NUMA1: variants seen among roughly 807,000 people sequenced by gnomAD.
NUMA1 encodes nuclear mitotic apparatus protein 1.
NUMA1 carries 62 observed loss-of-function variants against 237.1 expected under a neutral mutation model. That is an observed-to-expected ratio of 0.26 (90% confidence interval 0.21 to 0.32). The LOEUF (loss-of-function observed/expected upper bound fraction) is 0.32, where lower values mean the gene tolerates loss of function less well. Ranked by LOEUF, NUMA1 falls within the 10% of genes least tolerant of loss-of-function variation. NUMA1 has a pLI of 1.00. For missense variants in NUMA1, 2,533 were observed against 2,666.5 expected (o/e 0.95, Z 1.10); for synonymous variants, 1,028 against 1,066.1 (o/e 0.96, Z 0.70).
intron 20 of NUMA1, chr11:72,008,268 T>A (rs796248482): frequency 7.0e-5 from 26 of 372,744 alleles, no homozygotes; most frequent in African/African-American, 5.3e-4. Context: ...CAGTTTCAAA[T>A]TCTTCCAAGG....
intron 2 of NUMA1, chr11:72,067,524 AGCTTCCAGTGCCT>A (rs1943253983): frequency 6.6e-6 from 1 of 152,188 alleles, no homozygotes; most frequent in Non-Finnish European, 1.5e-5. Flanking sequence ...TTCTGGAGCA[AGCTTCCAGTGCCT>A]GCTTCTCATT....
intron 20 of NUMA1, chr11:72,007,672 C>T (rs190511768): frequency 6.2e-5 from 35 of 567,872 alleles, no homozygotes; most frequent in African/African-American, 5.1e-4. Flanking sequence ...CCAGATGTCC[C>T]ATCCCCACCA....
rs1339729209 is a variant in NUMA1 at position 72,012,349 on chromosome 11, A to G, written c.4650+52T>C. On this transcript the variant is annotated intron_variant, in intron 16 of 26. Coordinates refer to ENST00000393695, the MANE Select transcript of NUMA1 (RefSeq NM_006185.4). ...AAGCTGCAGCCGGGCTCATGCACCAAGACTGGTCACCGTTTAAGCAGCCAG... is the reference window on the plus strand; with the variant it reads ...AAGCTGCAGCCGGGCTCATGCACCAGGACTGGTCACCGTTTAAGCAGCCAG... 10 of 1,585,694 alleles carry G rather than the reference A, an allele frequency of 6.3e-6. No homozygotes were observed. The African/African-American group carries it at 1.2e-4, about 19-fold the overall frequency.
At chr11:72,004,383 GTC>G (rs775897401) in intron 24 of NUMA1, 42 bp from the exon 25 acceptor site, 1 of 1,554,034 alleles carries the variant, frequency 6.4e-7, no homozygotes, top group East Asian at 2.2e-5. Flanking sequence ...AGCAAGAGGA[GTC>G]ACATCTGAAG....
chr11:72,033,749 A>G (rs924899950), intron 3 of NUMA1, among the ~76,000 whole-genome samples: 1 of 152,288 alleles, frequency 6.6e-6, no homozygotes, highest in East Asian at 1.9e-4. Flanking sequence ...GGCCAGGCGC[A>G]GTGGCTCATG....
chr11:72,004,313 C>T lies in NUMA1; in HGVS notation c.6035G>A (p.Arg2012His), dbSNP rs1382977636. The change falls in exon 25 of 27, where the codon CGC (arginine) becomes CAC (histidine). Residue 2012 changes from arginine to histidine, a missense_variant. This residue lies in a region of NUMA1 where 795 missense variants were observed against 750.8 expected (regional missense o/e 1.06). Transcript: ENST00000393695. ...ESKKATSCFP[R>H]PMTPRDRHEG... ...ATGTCGGTCTCGGGGAGTCATGGGG[C>T]GTGGGAAACAGCTGGTGGCCTTCTT... The T allele has an allele frequency of 9.3e-6, 15 of 1,612,974 alleles. No homozygotes were observed. The highest frequency in any genetic ancestry group is 1.2e-5 in the Non-Finnish European group (14 of 1,179,766).
chr11:72,037,874 C>G lies in NUMA1; in HGVS notation c.-32-1899G>C, dbSNP rs560487018. Among the ~76,000 whole-genome samples the G allele has an allele frequency of 3.3e-5, 5 of 152,190 alleles. No homozygotes were observed. In the East Asian group the frequency reaches 7.7e-4, roughly 24 times the overall value. ...CTTGGATAATTATCATCAAGTATACCCTATCCATGGGCAAGATTATGTAGC... is the reference window on the plus strand; with the variant it reads ...CTTGGATAATTATCATCAAGTATACGCTATCCATGGGCAAGATTATGTAGC... On this transcript the variant is annotated intron_variant, in intron 2 of 26. Coordinates refer to ENST00000393695, the MANE Select transcript of NUMA1 (RefSeq NM_006185.4).
At chr11:72,031,718 G>A (rs553381280) in intron 3 of NUMA1, among the ~76,000 whole-genome samples, 23 of 152,138 alleles carry the variant, frequency 1.5e-4, no homozygotes, top group Non-Finnish European at 2.6e-4. Context: ...GGAGGCTGAC[G>A]TGGGAAGATC....
chr11:72,016,245 G>C lies in NUMA1; in HGVS notation c.1258C>G (p.Gln420Glu), dbSNP rs771645604. Residue 420 changes from glutamine (Q) to glutamate (E), a missense_variant, in exon 15 of 27, where the codon CAA becomes GAA. Coordinates refer to ENST00000393695, the MANE Select transcript of NUMA1 (RefSeq NM_006185.4). ...TTTGCAGCAAGAGTGGCTGCCTCTT[G>C]CTTCAAGGTTTCCAGCTGGTGGTAT... ...GDVLQLETLK[Q>E]EAATLAANNT... 6.3e-7 allele frequency: 1 copy of C among 1,596,320 alleles called. No individual in the cohort carries two copies. The highest frequency in any genetic ancestry group is 1.1e-5 in the South Asian group (1 of 90,440).
intron 23 of NUMA1, among the ~76,000 whole-genome samples, 189 bp downstream of exon 23, chr11:72,005,044 C>CCTA (rs1955592729): frequency 6.6e-6 from 1 of 152,174 alleles, no homozygotes; most frequent in Non-Finnish European, 1.5e-5. Context: ...TGAGCTCCTG[C>CCTA]CTACCCCAAG....
In NUMA1 at chr11:72,007,410, C is replaced by A. The variant is rs1366155202; in HGVS notation, c.5242G>T (p.Gly1748Cys). The change falls in exon 21 of 27, where the codon GGC becomes TGC. Residue 1748 changes from glycine (G) to cysteine (C), a missense_variant. Physicochemically the swap from Gly to Cys is radical, Grantham distance 159. This residue lies in a region of NUMA1 where 795 missense variants were observed against 750.8 expected (regional missense o/e 1.06). Transcript: ENST00000393695. ...TSKLPRTQPD[G>C]TSVPGEPASP... is the part of the protein sequence containing the mutation. ...GCTGGTTCTCCAGGGACGCTGGTGC[C>A]GTCTGGCTGGGTACGAGGCAGCTTG... 1 of 1,613,686 alleles carries A rather than the reference C, an allele frequency of 6.2e-7. No individual in the cohort carries two copies. Among genetic ancestry groups the A allele is most frequent in the East Asian group, 2.2e-5 (1 of 44,872 alleles).
intron 2 of NUMA1, among the ~76,000 whole-genome samples, chr11:72,050,365 T>C (rs1008099294): frequency 1.3e-5 from 2 of 152,152 alleles, no homozygotes; most frequent in Non-Finnish European, 2.9e-5. Context: ...ATGCCTTTAA[T>C]CACTGATAGA....
At chr11:72,005,392 A>G (rs762028616) in intron 22 of NUMA1, 23 bp from the exon 23 acceptor site, 1 of 1,600,054 alleles carries the variant, frequency 6.2e-7, no homozygotes, top group Non-Finnish European at 8.5e-7. Context: ...GGGAAGTGGG[A>G]ACAAATGAGC....
At chr11:72,003,828 T>G (rs1016352792) in intron 26 of NUMA1, 59 bp downstream of exon 26, 1 of 1,562,376 alleles carries the variant, frequency 6.4e-7, no homozygotes, top group Non-Finnish European at 8.8e-7. Flanking sequence ...GGTGGGGCGG[T>G]CTGGGGGGTG....
At chr11:72,045,518 C>T (rs932972851) in intron 2 of NUMA1, among the ~76,000 whole-genome samples, 4 of 152,180 alleles carry the variant, frequency 2.6e-5, no homozygotes, top group African/African-American at 9.7e-5. Context: ...CACTCTGTCA[C>T]CCAGGCTTGA....
In NUMA1 at chr11:72,015,388, C is replaced by G; in HGVS notation, c.2115G>C (p.Gln705His). 1 of 1,612,262 alleles carries G rather than the reference C, an allele frequency of 6.2e-7. No individual in the cohort carries two copies. The highest frequency in any genetic ancestry group is 8.5e-7 in the Non-Finnish European group (1 of 1,180,008). ...QEKDQLQEQL[Q>H]ALKESLKVTK... ...TGACCTTCAAGGACTCTTTGAGGGC[C>G]TGGAGCTGCTCCTGGAGCTGGTCCT... The change falls in exon 15 of 27, where the codon CAG becomes CAC. Residue 705 changes from glutamine (Q) to histidine (H), a missense_variant. Physicochemically the swap from Gln to His is conservative, Grantham distance 24. Coordinates refer to ENST00000393695, the MANE Select transcript of NUMA1 (RefSeq NM_006185.4). The surrounding 1 kb of genome is among the most constrained non-coding windows in gnomAD (Gnocchi z 4.0).
chr11:72,052,065 A>T (rs1942390497), intron 2 of NUMA1, among the ~76,000 whole-genome samples: 1 of 152,210 alleles, frequency 6.6e-6, no homozygotes, highest in African/African-American at 2.4e-5. Flanking sequence ...ACAGAGGTAG[A>T]GAGAAAACTG....
At position 72,006,362 on chromosome 11, in the gene NUMA1, T is replaced by C. The variant is rs1955699294; in HGVS notation, c.5464-99A>G. 9.1e-6 allele frequency: 9 copies of C among 989,386 alleles called. No individual in the cohort carries two copies. In the East Asian group the frequency reaches 1.3e-4, roughly 14 times the overall value. 61.3% of individuals were successfully genotyped at this position (989,386 alleles called of 1,614,324 possible). On this transcript the variant is annotated intron_variant, in intron 21 of 26. Coordinates refer to ENST00000393695, the MANE Select transcript of NUMA1 (RefSeq NM_006185.4). ...GCCCTCAGATCCCACGGCACATCCA[T>C]GTATTCCCAACTGCTTTGCAAAGGT...
intron 16 of NUMA1, among the ~76,000 whole-genome samples, chr11:72,011,406 G>A (rs771024395): frequency 1.1e-3 from 167 of 152,298 alleles, no homozygotes; most frequent in Non-Finnish European, 2.0e-3. Flanking sequence ...CAAGAGCAGG[G>A]GCAGCACATG....
Sources: allele counts gnomAD v4.1 joint callset (sites outside exome capture counted in the v4.1 genomes callset), GRCh38; gene constraint gnomAD v4.1.1; regional missense constraint gnomAD v4.1.1; non-coding constraint Gnocchi (gnomAD v3.1); transcripts MANE v1.5; gene names NCBI Gene and HGNC (gene_info 2026-07-23, HGNC 2026-07-21).